PGM5: variants seen among roughly 807,000 people sequenced by gnomAD.
PGM5 encodes the protein phosphoglucomutase 5.
A neutral mutation model predicts 59.2 loss-of-function variants in PGM5; 23 were observed. That is an observed-to-expected ratio of 0.39 (90% CI 0.28 to 0.55). The LOEUF (loss-of-function observed/expected upper bound fraction) is 0.55, where lower values mean the gene tolerates loss of function less well. PGM5 is among the 20% of genes least tolerant of loss of function. PGM5 has a pLI of 0.66. For missense variants in PGM5, 574 were observed against 748.3 expected (o/e 0.77, Z 2.72); for synonymous variants, 214 against 286.0 (o/e 0.75, Z 2.54).
chr9:68,516,642 G>A (rs1824829086), intron 10 of PGM5, among the ~76,000 whole-genome samples: 1 of 152,120 alleles, frequency 6.6e-6, no homozygotes, highest in Non-Finnish European at 1.5e-5. Context: ...CCCTGCCTGG[G>A]CCTTGGCAGT....
chr9:68,378,448 A>C, intron 2 of PGM5, 87 bp downstream of exon 2: 5 of 1,438,018 alleles, frequency 3.5e-6, no homozygotes, highest in Non-Finnish European at 4.6e-6. Flanking sequence ...GATGATAGAC[A>C]AGCAAGGTGC....
chr9:68,426,410 G>T (rs1823238692), intron 6 of PGM5, among the ~76,000 whole-genome samples: 1 of 151,868 alleles, frequency 6.6e-6, no homozygotes, highest in Non-Finnish European at 1.5e-5. Context: ...TCTGATCTTT[G>T]TTCATATGTA....
intron 1 of PGM5, among the ~76,000 whole-genome samples, chr9:68,362,443 C>T (rs1457904705): frequency 6.6e-6 from 1 of 152,194 alleles, no homozygotes; most frequent in African/African-American, 2.4e-5. Context: ...TGTGAACTTA[C>T]ATTTAAAAAT....
chr9:68,473,799 G>A (rs1824058896), intron 7 of PGM5, among the ~76,000 whole-genome samples: 1 of 152,126 alleles, frequency 6.6e-6, no homozygotes, highest in South Asian at 2.1e-4. Flanking sequence ...GGATAAGTTG[G>A]TCACTCCAAA....
At chr9:68,381,273 C>G (rs1202068757) in intron 2 of PGM5, among the ~76,000 whole-genome samples, 6 of 151,840 alleles carry the variant, frequency 4.0e-5, no homozygotes, top group African/African-American at 1.4e-4. Flanking sequence ...AAGATAAAAA[C>G]CACATGATCA....
rs1824155672 is a variant in PGM5, at chr9:68,479,449, G to A, written c.1191G>A (p.Leu397=). 4 of 1,613,990 alleles carry A rather than the reference G, an allele frequency of 2.5e-6. No homozygotes were observed. Among genetic ancestry groups the A allele is most frequent in the African/African-American group, 1.3e-5 (1 of 75,008 alleles). Reference sequence around the variant, plus strand: ...ACCACCTCCGAGAGAAGGATGGCCTGTGGGCTGTCTTGGTCTGGCTCTCCA... The same window carrying A: ...ACCACCTCCGAGAGAAGGATGGCCTATGGGCTGTCTTGGTCTGGCTCTCCA... The part of the protein sequence containing the change: ...GSDHLREKDG[L]WAVLVWLSII... Residue 397 remains leucine (L), a synonymous_variant, in exon 8 of 11, where the codon CTG becomes CTA. Transcript: ENST00000396396.
In PGM5 at chr9:68,484,541, A is replaced by AACACACACACAC. The variant is rs72293391; in HGVS notation, c.1479+519_1479+530dup. Reference sequence around the variant, plus strand: ...GGAGACAAAGTGAGACCATGTCTCAAACACACACACACACACACACACACA... The same window carrying AACACACACACAC: ...GGAGACAAAGTGAGACCATGTCTCAAACACACACACACACACACACACACACACACACACACA... On this transcript the variant is annotated intron_variant, in intron 9 of 10. Coordinates refer to ENST00000396396, the MANE Select transcript of PGM5 (RefSeq NM_021965.4). 6.4e-3 allele frequency among the ~76,000 whole-genome samples: 851 copies of AACACACACACAC among 132,308 alleles called. 10 individuals carry two copies. The highest frequency in any genetic ancestry group is 0.023 in the African/African-American group (761 of 33,570). 86.8% of individuals were successfully genotyped at this position (132,308 alleles called of 152,430 possible).
chr9:68,494,999 C>T (rs1489023037), intron 9 of PGM5, among the ~76,000 whole-genome samples: 1 of 152,150 alleles, frequency 6.6e-6, no homozygotes, highest in African/African-American at 2.4e-5. Flanking sequence ...ATTCATTCAA[C>T]AAGTGTTTAT....
chr9:68,362,865 CTTTTTTTTT>C (rs1163826772), intron 1 of PGM5, among the ~76,000 whole-genome samples: 3 of 96,782 alleles, frequency 3.1e-5, no homozygotes, highest in Non-Finnish European at 6.0e-5. Context: ...TTTTCTTTTT[CTTTTTTTTT>C]TTTTTTTTTT....
rs373525562 is a variant in PGM5 at position 68,483,991 on chromosome 9, G to A, written c.1422G>A (p.Ala474=). The change falls in exon 9 of 11, where the codon GCG becomes GCA. Residue 474 remains alanine, a synonymous_variant. Coordinates refer to ENST00000396396, the MANE Select transcript of PGM5 (RefSeq NM_021965.4). ...FAVGSHVYSV[A]KTDSFEYVDP... is the part of the protein sequence containing the mutation. Reference sequence around the variant, plus strand: ...TGGGGAGCCATGTCTACAGCGTGGCGAAGACGGATAGTTTTGAATACGTGG... The same window carrying A: ...TGGGGAGCCATGTCTACAGCGTGGCAAAGACGGATAGTTTTGAATACGTGG... The A allele has an allele frequency of 4.8e-5, 78 of 1,613,946 alleles. No homozygotes were observed. The highest frequency in any genetic ancestry group is 5.6e-5 in the Non-Finnish European group (66 of 1,180,014).
intron 7 of PGM5, chr9:68,466,699 A>T (rs990859579): frequency 2.0e-5 from 3 of 152,652 alleles, no homozygotes; most frequent in Non-Finnish European, 2.9e-5. Flanking sequence ...AGTGTACCAC[A>T]GGCCTCAAAT....
chr9:68,481,582 GT>G (rs782290724), intron 8 of PGM5, among the ~76,000 whole-genome samples: 6 of 152,168 alleles, frequency 3.9e-5, no homozygotes, highest in Admixed American at 6.5e-5. Flanking sequence ...TCAGAGATGT[GT>G]TCCTCATAAT....
intron 6 of PGM5, among the ~76,000 whole-genome samples, chr9:68,401,144 T>A (rs1822657308): frequency 6.6e-6 from 1 of 152,246 alleles, no homozygotes; most frequent in Non-Finnish European, 1.5e-5. Flanking sequence ...TTGTTAACAC[T>A]TAAGACTATA....
At chr9:68,524,680 A>G (rs1824946058) in intron 10 of PGM5, among the ~76,000 whole-genome samples, 1 of 152,124 alleles carries the variant, frequency 6.6e-6, no homozygotes, top group Non-Finnish European at 1.5e-5. Context: ...CCAACTCCTC[A>G]TCTGATGTGG....
chr9:68,412,683 C>T (rs573770409), intron 6 of PGM5, among the ~76,000 whole-genome samples: 4 of 152,302 alleles, frequency 2.6e-5, no homozygotes, highest in African/African-American at 9.6e-5. Context: ...CTGGCCATAG[C>T]GGCCCTGTGT....
intron 1 of PGM5, among the ~76,000 whole-genome samples, chr9:68,371,173 T>A (rs1385755141): frequency 6.6e-6 from 1 of 152,184 alleles, no homozygotes; most frequent in Non-Finnish European, 1.5e-5. Flanking sequence ...TCTGGAGGAC[T>A]GGGTGAGGTT....
At position 68,356,944 on chromosome 9, in the gene PGM5, C is replaced by A; in HGVS notation, c.-184C>A. 2.0e-6 allele frequency: 1 copy of A among 496,226 alleles called. No homozygotes were observed. The highest frequency in any genetic ancestry group is 3.3e-6 in the Non-Finnish European group (1 of 299,534). The allele number at this position is 496,226 out of a possible 1,614,324, so 30.7% of individuals were successfully genotyped here. On this transcript the variant is annotated 5_prime_UTR_variant, in exon 1 of 11. Coordinates refer to ENST00000396396, the MANE Select transcript of PGM5 (RefSeq NM_021965.4). Reference sequence around the variant, plus strand: ...GCCGAGAGAGTCAGCCGAGCGGCCGCGCGGAGAGGAGGGGCGGGCGGTCCC... The same window carrying A: ...GCCGAGAGAGTCAGCCGAGCGGCCGAGCGGAGAGGAGGGGCGGGCGGTCCC...
intron 1 of PGM5, among the ~76,000 whole-genome samples, chr9:68,375,777 G>C (rs1554677561): frequency 6.6e-6 from 1 of 152,168 alleles, no homozygotes; most frequent in Non-Finnish European, 1.5e-5. Flanking sequence ...GAAAAGTTAG[G>C]GACTTCTGGC....
At chr9:68,456,432 T>A (rs182321649) in intron 6 of PGM5, among the ~76,000 whole-genome samples, 10 of 151,454 alleles carry the variant, frequency 6.6e-5, no homozygotes, top group Admixed American at 6.6e-4. Flanking sequence ...TGCTTCAGCC[T>A]CCCGAGTAGC....
Sources: allele counts gnomAD v4.1 joint callset (sites outside exome capture counted in the v4.1 genomes callset), GRCh38; gene constraint gnomAD v4.1.1; transcripts MANE v1.5; gene names NCBI Gene and HGNC (gene_info 2026-07-23, HGNC 2026-07-21).